Variants in HM13 observed in about 807,000 individuals in gnomAD.
The protein encoded by HM13 is signal peptide peptidase.
A neutral mutation model predicts 50.0 loss-of-function variants in HM13; 18 were observed. That is an observed-to-expected ratio of 0.36 (90% CI 0.25 to 0.53). The LOEUF is 0.53. Ranked by LOEUF, HM13 falls within the 20% of genes least tolerant of loss-of-function variation. The pLI is 0.90. For synonymous variants in HM13, 197 were observed against 232.6 expected, an observed-to-expected ratio of 0.85 and a Z score of 1.39; for missense variants, 393 against 552.4, an observed-to-expected ratio of 0.71 and a Z score of 2.89.
intron 2 of HM13, among the ~76,000 whole-genome samples, chr20:31,530,800 G>A (rs936301912): frequency 1.3e-5 from 2 of 152,132 alleles, no homozygotes; most frequent in Non-Finnish European, 2.9e-5. Flanking sequence ...TATCATAGCA[G>A]TATTGTCGTG....
At chr20:31,549,780 G>A (rs1470700952) in intron 6 of HM13, among the ~76,000 whole-genome samples, 1 of 152,174 alleles carries the variant, frequency 6.6e-6, no homozygotes, top group Non-Finnish European at 1.5e-5. Context: ...TCTCAAGTGG[G>A]TAGCGCTGGG....
intron 3 of HM13, among the ~76,000 whole-genome samples, chr20:31,543,784 A>G (rs914533331): frequency 8.6e-5 from 13 of 151,930 alleles, no homozygotes; most frequent in Admixed American, 3.3e-4. Flanking sequence ...ACAAAAAAAA[A>G]TTAGTCGGGC....
intron 2 of HM13, among the ~76,000 whole-genome samples, chr20:31,530,358 T>G (rs976072391): frequency 1.2e-4 from 19 of 152,126 alleles, no homozygotes; most frequent in South Asian, 2.1e-4. Flanking sequence ...AATACATGAT[T>G]CTTACCACGG....
At chr20:31,564,130 C>T (rs974950537) in intron 10 of HM13, 1 of 151,994 alleles carries the variant, frequency 6.6e-6, no homozygotes, top group Admixed American at 6.6e-5. Context: ...ACAATCTCTT[C>T]ACTTCATGAG....
chr20:31,550,852 T>G (rs530934384), intron 7 of HM13, among the ~76,000 whole-genome samples: 1 of 152,306 alleles, frequency 6.6e-6, no homozygotes, highest in East Asian at 1.9e-4. Context: ...AACACACATC[T>G]GTAGTCCTAG....
At chr20:31,531,990 A>G (rs1169719956) in intron 2 of HM13, among the ~76,000 whole-genome samples, 1 of 152,190 alleles carries the variant, frequency 6.6e-6, no homozygotes, top group Admixed American at 6.5e-5. Context: ...ATAAGCAGAT[A>G]CAGCACAGTT....
chr20:31,569,040 T>G, intron 12 of HM13, 80 bp from the exon 13 acceptor site: 1 of 965,372 alleles, frequency 1.0e-6, no homozygotes, highest in Non-Finnish European at 1.6e-6. Context: ...AGGATGGGGG[T>G]GGGGGAAGGG....
intron 10 of HM13, among the ~76,000 whole-genome samples, chr20:31,563,793 C>G (rs1984748002): frequency 6.6e-6 from 1 of 152,046 alleles, no homozygotes; most frequent in African/African-American, 2.4e-5. Context: ...AATGAAGTCT[C>G]CGGCCAGGCG....
intron 2 of HM13, among the ~76,000 whole-genome samples, chr20:31,534,167 T>A (rs752601318): frequency 1.3e-5 from 2 of 152,092 alleles, no homozygotes; most frequent in Non-Finnish European, 2.9e-5. Context: ...CGCAAGCCAC[T>A]GCACCCAGCC....
chr20:31,568,986 G>A, intron 12 of HM13, 134 bp from the exon 13 acceptor site: 1 of 626,682 alleles, frequency 1.6e-6, no homozygotes, highest in Non-Finnish European at 2.8e-6. Flanking sequence ...GTGCTGGGCA[G>A]TGGACACAGG....
chr20:31,536,421 C>G (rs1272131106), intron 2 of HM13, among the ~76,000 whole-genome samples: 1 of 152,054 alleles, frequency 6.6e-6, no homozygotes, highest in Non-Finnish European at 1.5e-5. Context: ...CTGCTCATCA[C>G]TTCCCCTCCA....
intron 11 of HM13, 34 bp from the exon 12 acceptor site, chr20:31,568,044 C>T (rs985258847): frequency 5.8e-6 from 9 of 1,545,438 alleles, no homozygotes; most frequent in African/African-American, 1.4e-5. Context: ...CTATCCATCT[C>T]TTTTTTTCTG....
intron 3 of HM13, chr20:31,541,047 T>C (rs1983425736): frequency 6.6e-6 from 1 of 151,836 alleles, no homozygotes; most frequent in Non-Finnish European, 1.5e-5. Flanking sequence ...GAGATAGATA[T>C]TATCAACAGA....
At chr20:31,534,963 G>A (rs1983028349) in intron 2 of HM13, among the ~76,000 whole-genome samples, 1 of 151,998 alleles carries the variant, frequency 6.6e-6, no homozygotes, top group Non-Finnish European at 1.5e-5. Context: ...GCAGGCGCCT[G>A]TAGTCCCAGC....
intron 1 of HM13, among the ~76,000 whole-genome samples, chr20:31,519,058 C>T (rs1981988740): frequency 6.6e-6 from 1 of 152,078 alleles, no homozygotes. Context: ...CAGAAAGATT[C>T]TGTGTCTTTA....
intron 2 of HM13, among the ~76,000 whole-genome samples, chr20:31,531,160 T>A (rs1388449822): frequency 1.3e-5 from 2 of 152,070 alleles, no homozygotes; most frequent in Non-Finnish European, 2.9e-5. Flanking sequence ...TTCTCCTGCC[T>A]CAGCCTCCCA....
intron 7 of HM13, among the ~76,000 whole-genome samples, chr20:31,552,494 G>A (rs1205879488): frequency 6.6e-6 from 1 of 152,172 alleles, no homozygotes; most frequent in Non-Finnish European, 1.5e-5. Context: ...TGTCATATTT[G>A]GTTTCTGATA....
chr20:31,550,158 C>A (rs547582485), intron 7 of HM13, 37 bp downstream of exon 7: 3 of 1,558,626 alleles, frequency 1.9e-6, no homozygotes, highest in South Asian at 1.1e-5. Flanking sequence ...CCCCTTCCCC[C>A]ACCCCTGCCG....
chr20:31,519,784 CTT>C (rs1982037656), intron 1 of HM13, among the ~76,000 whole-genome samples: 1 of 151,078 alleles, frequency 6.6e-6, no homozygotes, highest in African/African-American at 2.4e-5. Flanking sequence ...TTATTTCACA[CTT>C]GTCTGTGTAT....
Sources: allele counts gnomAD v4.1 joint callset (sites outside exome capture counted in the v4.1 genomes callset), GRCh38; gene constraint gnomAD v4.1.1; transcripts MANE v1.5; gene names NCBI Gene and HGNC (gene_info 2026-07-23, HGNC 2026-07-21).